The following FGF10 variants were observed in gnomAD, a reference collection of about 807,000 sequenced individuals.
FGF10 encodes fibroblast growth factor 10, also known as FGF-10.
In FGF10, 2 loss-of-function variants were observed where a neutral mutation model predicts 19.8. The observed-to-expected ratio is 0.10, with a 90% CI of 0.04 to 0.32. FGF10 has a LOEUF of 0.32. Ranked by LOEUF, FGF10 falls within the 10% of genes least tolerant of loss-of-function variation. The pLI is 1.00. For synonymous variants in FGF10, 112 were observed against 94.0 expected (o/e 1.19, Z -1.10); for missense variants, 191 against 246.3 (o/e 0.78, Z 1.50).
rs1430675342 is a variant in FGF10 at position 44,322,987 on chromosome 5, TG to T, written c.326-12458del. On this transcript the variant is annotated intron_variant, in intron 1 of 2. Coordinates refer to ENST00000264664, the MANE Select transcript of FGF10 (RefSeq NM_004465.2). ...AATCAGTCCCTGGTGCCAAAAAAGT[TG>T]GGGAACACTGCTATAACTTATAATA... Among the ~76,000 whole-genome samples the T allele has an allele frequency of 2.6e-5, 4 of 152,232 alleles. No homozygotes were observed. The East Asian group carries it at 7.7e-4, about 29-fold the overall frequency.
intron 1 of FGF10, among the ~76,000 whole-genome samples, chr5:44,371,336 G>C (rs998850413): frequency 6.6e-6 from 1 of 152,032 alleles, no homozygotes; most frequent in Non-Finnish European, 1.5e-5. Context: ...CATGACTTTG[G>C]ACTTCTCAGA....
chr5:44,325,188 C>T (rs1740581964), intron 1 of FGF10, among the ~76,000 whole-genome samples: 1 of 152,110 alleles, frequency 6.6e-6, no homozygotes, highest in Non-Finnish European at 1.5e-5. Context: ...CAGTGAGATA[C>T]CATCTCACAC....
Position 44,304,688 on chromosome 5 carries a change from C to G in FGF10, c.*307G>C. 1 of 363,688 alleles carries G rather than the reference C, an allele frequency of 2.7e-6. No homozygotes were observed. Among genetic ancestry groups the G allele is most frequent in the Non-Finnish European group, 5.2e-6 (1 of 193,370 alleles). The allele number at this position is 363,688 out of a possible 1,614,324, so 22.5% of individuals were successfully genotyped here. A position where few individuals can be genotyped will look rare whatever the true frequency, so the allele number is the denominator to read the frequency against. On this transcript the variant is annotated 3_prime_UTR_variant, in exon 3 of 3. Coordinates refer to ENST00000264664, the MANE Select transcript of FGF10 (RefSeq NM_004465.2). Reference sequence around the variant, plus strand: ...GTTCTATGTCCTTTAAGTTCTATCTCAGAGGTTTAAAAACAAAAACTTGAC... The same window carrying G: ...GTTCTATGTCCTTTAAGTTCTATCTGAGAGGTTTAAAAACAAAAACTTGAC...
intron 1 of FGF10, among the ~76,000 whole-genome samples, chr5:44,327,098 T>C (rs1740631820): frequency 6.6e-6 from 1 of 152,172 alleles, no homozygotes; most frequent in Non-Finnish European, 1.5e-5. Context: ...TTCTTCAGTC[T>C]TCAGCGTGGT....
intron 1 of FGF10, among the ~76,000 whole-genome samples, chr5:44,338,891 C>G (rs891342333): frequency 2.0e-5 from 3 of 152,112 alleles, no homozygotes; most frequent in Non-Finnish European, 4.4e-5. Context: ...CAAACTGTAT[C>G]TAGATTGAGA....
At position 44,364,892 on chromosome 5, in the gene FGF10, A is replaced by G. The variant is rs540873749; in HGVS notation, c.325+23466T>C. Among the ~76,000 whole-genome samples the G allele has an allele frequency of 8.1e-4, 123 of 152,058 alleles. 2 individuals carry two copies. Among genetic ancestry groups the G allele is most frequent in the African/African-American group, 2.7e-3 (114 of 41,536 alleles). Reference sequence around the variant, plus strand: ...TTCACATAGAATATGTAAAGATTTTAAGTAAGTTATTTAAACCCAATTACT... The same window carrying G: ...TTCACATAGAATATGTAAAGATTTTGAGTAAGTTATTTAAACCCAATTACT... On this transcript the variant is annotated intron_variant, in intron 1 of 2. Transcript: ENST00000264664.
At chr5:44,350,093 C>T (rs996716513) in intron 1 of FGF10, among the ~76,000 whole-genome samples, 12 of 150,754 alleles carry the variant, frequency 8.0e-5, no homozygotes, top group African/African-American at 1.9e-4. Context: ...AAATTGTCCA[C>T]GTCAAAAACT....
At chr5:44,349,451 T>TATATATATATATATATCAGA (rs1561210342) in intron 1 of FGF10, among the ~76,000 whole-genome samples, 77 of 16,692 alleles carry the variant, frequency 4.6e-3, no homozygotes, top group Non-Finnish European at 9.8e-3. Flanking sequence ...TATATATATA[T>TATATATATATATATATCAGA]ATATATATAT....
At chr5:44,343,042 G>T (rs1359093855) in intron 1 of FGF10, among the ~76,000 whole-genome samples, 4 of 152,002 alleles carry the variant, frequency 2.6e-5, no homozygotes, top group African/African-American at 9.7e-5. Context: ...AGGTGGGTGG[G>T]TGTGTGTTGC....
intron 1 of FGF10, among the ~76,000 whole-genome samples, chr5:44,374,564 C>G (rs1741813018): frequency 6.6e-6 from 1 of 152,144 alleles, no homozygotes; most frequent in Non-Finnish European, 1.5e-5. Context: ...GATTAAGTCT[C>G]TGAGGCCAAG....
chr5:44,303,804 C>A lies in FGF10; in HGVS notation c.*1191G>T, dbSNP rs530762348. ...TCAGTTTAAGCCCCTGGGAGAGTTG[C>A]GCTTCATACCAAATTCTTTGATAGT... On this transcript the variant is annotated 3_prime_UTR_variant, in exon 3 of 3. Coordinates refer to ENST00000264664, the MANE Select transcript of FGF10 (RefSeq NM_004465.2). The A allele has an allele frequency of 6.6e-6, 1 of 152,102 alleles. No individual in the cohort carries two copies. Among genetic ancestry groups the A allele is most frequent in the Non-Finnish European group, 1.5e-5 (1 of 68,020 alleles). The allele number at this position is 152,102 out of a possible 1,614,324, so 9.4% of individuals were successfully genotyped here.
chr5:44,352,333 C>A (rs1281089928), intron 1 of FGF10, among the ~76,000 whole-genome samples: 1 of 151,566 alleles, frequency 6.6e-6, no homozygotes, highest in African/African-American at 2.4e-5. Context: ...GGAACTCATG[C>A]CTGGCCCTTC....
intron 1 of FGF10, among the ~76,000 whole-genome samples, chr5:44,370,249 G>A: frequency 6.6e-6 from 1 of 152,074 alleles, no homozygotes; most frequent in East Asian, 1.9e-4. Flanking sequence ...AAGAGAAATA[G>A]GTAGGGTATG....
At chr5:44,375,910 C>T (rs577651383) in intron 1 of FGF10, among the ~76,000 whole-genome samples, 2 of 152,224 alleles carry the variant, frequency 1.3e-5, no homozygotes, top group Admixed American at 6.5e-5. Context: ...CTCATCTAAA[C>T]ATAGTATGGG....
At chr5:44,367,465 G>T (rs1337464509) in intron 1 of FGF10, among the ~76,000 whole-genome samples, 1 of 152,010 alleles carries the variant, frequency 6.6e-6, no homozygotes, top group African/African-American at 2.4e-5. Flanking sequence ...TAGACTAGTT[G>T]CATCTTATCA....
chr5:44,308,342 T>C (rs1016442947), intron 2 of FGF10, among the ~76,000 whole-genome samples: 2 of 152,196 alleles, frequency 1.3e-5, no homozygotes, highest in African/African-American at 4.8e-5. Flanking sequence ...TAAGTATATT[T>C]TATCAATTAA....
chr5:44,328,954 A>G (rs6451759), intron 1 of FGF10, among the ~76,000 whole-genome samples: 146,979 of 152,172 alleles, frequency 0.97, 71,197 homozygotes, highest in East Asian at 1. Context: ...CCACGATTGC[A>G]CCATTACAAT....
intron 2 of FGF10, 94 bp downstream of exon 2, chr5:44,310,333 G>T: frequency 2.5e-6 from 2 of 816,164 alleles, no homozygotes; most frequent in South Asian, 1.4e-5. Context: ...AGCAATAGAA[G>T]GATAACAAAG....
At chr5:44,308,940 T>C (rs1283920914) in intron 2 of FGF10, among the ~76,000 whole-genome samples, 3 of 152,154 alleles carry the variant, frequency 2.0e-5, no homozygotes, top group African/African-American at 4.8e-5. Context: ...TGTCTTTTAA[T>C]AAGCCCTTCC....
Sources: gnomAD v4.1 joint callset for allele counts (sites outside exome capture counted in the v4.1 genomes callset) on GRCh38, gnomAD v4.1.1 for gene constraint, MANE v1.5 for transcripts, NCBI Gene and HGNC (gene_info 2026-07-23, HGNC 2026-07-21) for gene names.